RASA1: variants seen among roughly 807,000 people sequenced by gnomAD.
RASA1 encodes RAS p21 protein activator 1.
A neutral mutation model predicts 132.2 loss-of-function variants in RASA1; 25 were observed. The observed-to-expected ratio is 0.19, with a 90% confidence interval of 0.14 to 0.26. The LOEUF (loss-of-function observed/expected upper bound fraction) is 0.26, where lower values mean the gene tolerates loss of function less well. Ranked by LOEUF, RASA1 falls within the 10% of genes least tolerant of loss-of-function variation. The pLI, the probability that RASA1 is intolerant of heterozygous loss-of-function variation, is 1.00. For synonymous variants in RASA1, 477 were observed against 449.9 expected, an observed-to-expected ratio of 1.06 and a Z score of -0.76; for missense variants, 964 against 1,299.2, an observed-to-expected ratio of 0.74 and a Z score of 3.97.
chr5:87,333,955 A>G (rs770183310), intron 4 of RASA1, among the ~76,000 whole-genome samples: 7 of 152,216 alleles, frequency 4.6e-5, no homozygotes, highest in Non-Finnish European at 1.0e-4. Flanking sequence ...GGGATGAATT[A>G]CAAATTTATG....
intron 20 of RASA1, 150 bp downstream of exon 20, chr5:87,380,745 A>C (rs988733567): frequency 4.1e-5 from 31 of 756,318 alleles, no homozygotes; most frequent in African/African-American, 3.1e-4. Context: ...GATGGCTCCT[A>C]AACTGAAAGT....
chr5:87,355,033 T>A (rs374691467), intron 9 of RASA1, among the ~76,000 whole-genome samples: 2 of 152,074 alleles, frequency 1.3e-5, no homozygotes, highest in African/African-American at 4.8e-5. Flanking sequence ...TCATAAGATT[T>A]AAGGAAAGAT....
At chr5:87,339,848 G>C (rs529337678) in intron 5 of RASA1, among the ~76,000 whole-genome samples, 13 of 152,228 alleles carry the variant, frequency 8.5e-5, no homozygotes, top group African/African-American at 2.9e-4. Context: ...GGCTTTATTA[G>C]AGGGTAGTGA....
At chr5:87,365,711 TA>T (rs1436391275) in intron 11 of RASA1, among the ~76,000 whole-genome samples, 1 of 151,990 alleles carries the variant, frequency 6.6e-6, no homozygotes, top group African/African-American at 2.4e-5. Context: ...AAAATAATTT[TA>T]AAAAAATGTA....
intron 1 of RASA1, among the ~76,000 whole-genome samples, chr5:87,295,345 G>C (rs905490492): frequency 6.6e-6 from 1 of 151,854 alleles, no homozygotes; most frequent in Non-Finnish European, 1.5e-5. Context: ...TATTGATATA[G>C]TTAAATTAAT....
At chr5:87,331,570 G>A (rs1757602567) in intron 2 of RASA1, 70 bp downstream of exon 2, 1 of 1,513,778 alleles carries the variant, frequency 6.6e-7, no homozygotes, top group Admixed American at 1.7e-5. Flanking sequence ...AAATATACCT[G>A]TATAATAAAG....
At chr5:87,287,025 A>G (rs1388422945) in intron 1 of RASA1, among the ~76,000 whole-genome samples, 2 of 148,672 alleles carry the variant, frequency 1.3e-5, no homozygotes, top group Non-Finnish European at 3.0e-5. Context: ...CACCATATAT[A>G]TACCATATAT....
At chr5:87,280,372 G>T (rs1180369707) in intron 1 of RASA1, among the ~76,000 whole-genome samples, 2 of 151,952 alleles carry the variant, frequency 1.3e-5, no homozygotes, top group Non-Finnish European at 2.9e-5. Flanking sequence ...GAATGCAGTG[G>T]CACAATAATG....
intron 1 of RASA1, among the ~76,000 whole-genome samples, chr5:87,328,935 CTAAG>C (rs1195456222): frequency 6.6e-6 from 1 of 151,448 alleles, no homozygotes; most frequent in Non-Finnish European, 1.5e-5. Context: ...ATCAAATCAA[CTAAG>C]TAAATATTTA....
At position 87,332,375 on chromosome 5, in the gene RASA1, T is replaced by C. The variant is rs1757667166; in HGVS notation, c.693-132T>C. ...CTGTGATGAAGATACTAATAAGTGG[T>C]ATTTTAGTATAAGGATATAGTTACA... On this transcript the variant is annotated intron_variant, in intron 2 of 24. Transcript: ENST00000274376. The C allele has an allele frequency of 3.5e-6, 3 of 863,204 alleles. No individual in the cohort carries two copies. The East Asian group carries it at 8.1e-5, about 23-fold the overall frequency. The allele number at this position is 863,204 out of a possible 1,614,324, so 53.5% of individuals were successfully genotyped here.
At chr5:87,282,824 A>G (rs995681284) in intron 1 of RASA1, among the ~76,000 whole-genome samples, 2 of 152,134 alleles carry the variant, frequency 1.3e-5, no homozygotes, top group African/African-American at 2.4e-5. Flanking sequence ...TCTGCTATTG[A>G]GCCCATTAAG....
At position 87,332,519 on chromosome 5, in the gene RASA1, G is replaced by C; in HGVS notation, c.705G>C (p.Met235Ile). ...NVVNHFRIIA[M>I]CGDYYIGGRR... ...CCTGTTCAAATAGGATTATTGCTAT[G>C]TGTGGAGATTACTACATTGGTGGAA... is the stretch of plus-strand genomic sequence containing the variant. The change falls in exon 3 of 25, where the codon ATG (methionine) becomes ATC (isoleucine). Residue 235 changes from methionine (M) to isoleucine (I), a missense_variant. By Grantham distance (10) the Met-to-Ile change is conservative. This residue lies in a region of RASA1 where 154 missense variants were observed against 286.5 expected (regional missense o/e 0.54). Coordinates refer to ENST00000274376, the MANE Select transcript of RASA1 (RefSeq NM_002890.3). 1.2e-6 allele frequency: 2 copies of C among 1,606,606 alleles called. No homozygotes were observed. The highest frequency in any genetic ancestry group is 1.1e-5 in the South Asian group (1 of 90,862).
intron 1 of RASA1, among the ~76,000 whole-genome samples, chr5:87,301,812 CTATTCTTTTGTGT>C (rs929662885): frequency 5.9e-5 from 9 of 152,044 alleles, no homozygotes; most frequent in Non-Finnish European, 1.2e-4. Flanking sequence ...CCTTTACTAT[CTATTCTTTTGTGT>C]GTTACTTTGT....
At chr5:87,347,559 C>G (rs6894905) in intron 7 of RASA1, among the ~76,000 whole-genome samples, 1,807 of 151,996 alleles carry the variant, frequency 0.012, 29 homozygotes, top group African/African-American at 0.041. Flanking sequence ...GAAATAGATT[C>G]TTGTGGTGAT....
intron 1 of RASA1, among the ~76,000 whole-genome samples, chr5:87,278,533 G>A (rs920436618): frequency 2.6e-5 from 4 of 151,920 alleles, no homozygotes; most frequent in Admixed American, 6.6e-5. Context: ...GCGACAGAGC[G>A]AGACTCTGTC....
intron 5 of RASA1, among the ~76,000 whole-genome samples, chr5:87,338,503 A>ATT (rs1561292241): frequency 1.9e-4 from 2 of 10,702 alleles, no homozygotes; most frequent in Non-Finnish European, 4.4e-4. Context: ...AGCTAATTTT[A>ATT]TATATATATA....
intron 16 of RASA1, 94 bp from the exon 17 acceptor site, chr5:87,376,787 T>C: frequency 1.5e-6 from 2 of 1,342,268 alleles, no homozygotes; most frequent in East Asian, 2.3e-5. Context: ...ATTTTAAATA[T>C]AAGAACTTGT....
chr5:87,347,192 C>T (rs1232876168), intron 7 of RASA1, among the ~76,000 whole-genome samples: 1 of 152,020 alleles, frequency 6.6e-6, no homozygotes, highest in East Asian at 1.9e-4. Context: ...TTCAGTAGAA[C>T]GATATTGTAT....
rs1758095789 is a variant in RASA1 at position 87,337,970 on chromosome 5, TCA to T, written c.900-3_900-2del. 6.2e-7 allele frequency: 1 copy of T among 1,604,624 alleles called. No homozygotes were observed. Among genetic ancestry groups the T allele is most frequent in the East Asian group, 2.3e-5 (1 of 44,438 alleles). ...TTTAATAACTTTAAAATTGCTATTT[TCA>T]GTTTCTTAAAAGGAGATATGTTCAT... On this transcript the variant is annotated splice_acceptor_variant and splice_polypyrimidine_tract_variant and intron_variant, in intron 4 of 24. Transcript: ENST00000274376. LOFTEE classifies it high-confidence loss of function.
Sources: allele counts gnomAD v4.1 joint callset (sites outside exome capture counted in the v4.1 genomes callset), GRCh38; gene constraint gnomAD v4.1.1; regional missense constraint gnomAD v4.1.1; transcripts MANE v1.5; gene names NCBI Gene and HGNC (gene_info 2026-07-23, HGNC 2026-07-21).